RFC3: variants seen among roughly 807,000 people sequenced by gnomAD.
The protein encoded by RFC3 is replication factor C subunit 3, also known as A1 38 kDa subunit.
RFC3 carries 41 observed loss-of-function variants against 45.1 expected under a neutral mutation model. The observed-to-expected ratio is 0.91, with a 90% CI of 0.71 to 1.18. The LOEUF is 1.18. Ranked by LOEUF, RFC3 falls within the 50% of genes most tolerant of loss-of-function variation. The probability of loss-of-function intolerance (pLI) is 0.00; values close to 1 mark genes in which losing one functional copy is unlikely to be tolerated. For missense variants in RFC3, 423 were observed against 428.1 expected (o/e 0.99, Z 0.10); for synonymous variants, 149 against 144.0 (o/e 1.03, Z -0.25).
At chr13:33,935,481 C>T (rs947111958) in intron 8 of RFC3, among the ~76,000 whole-genome samples, 1 of 152,108 alleles carries the variant, frequency 6.6e-6, no homozygotes, top group Admixed American at 6.5e-5. Flanking sequence ...AAGTGTTGGG[C>T]ACAATTGAAG....
chr13:33,965,342 C>T (rs2083081002), intron 8 of RFC3, among the ~76,000 whole-genome samples: 1 of 152,068 alleles, frequency 6.6e-6, no homozygotes, highest in African/African-American at 2.4e-5. Flanking sequence ...TTTTATTGCA[C>T]CTTTTTATGT....
At chr13:33,842,123 TAAACA>T (rs2082203608), downstream of RFC3, among the ~76,000 whole-genome samples, 1 of 151,912 alleles carries the variant, frequency 6.6e-6, no homozygotes, top group African/African-American at 2.4e-5. Flanking sequence ...CTACAAATGA[TAAACA>T]AAATAGAAAA....
chr13:33,920,223 G>A (rs559634838), intron 8 of RFC3, among the ~76,000 whole-genome samples: 50 of 152,194 alleles, frequency 3.3e-4, no homozygotes, highest in Non-Finnish European at 5.4e-4. Flanking sequence ...GCCTGACCTG[G>A]AAAGAGAATC....
At chr13:33,865,034 A>G (rs939093643) in intron 8 of RFC3, among the ~76,000 whole-genome samples, 10 of 152,316 alleles carry the variant, frequency 6.6e-5, no homozygotes, top group African/African-American at 1.9e-4. Flanking sequence ...AACAAAATTC[A>G]TTTTGGAATA....
chr13:33,842,879 T>C (rs78007087), intron 8 of RFC3, among the ~76,000 whole-genome samples: 2,457 of 152,300 alleles, frequency 0.016, 56 homozygotes, highest in African/African-American at 0.056. Context: ...ATGCCATTCT[T>C]TAAAAATCTA....
chr13:33,949,276 T>A (rs1418882793), intron 8 of RFC3, among the ~76,000 whole-genome samples: 4 of 152,186 alleles, frequency 2.6e-5, no homozygotes, highest in Admixed American at 2.6e-4. Context: ...TGTGAAGAAG[T>A]GCCTTTTGCC....
intron 8 of RFC3, among the ~76,000 whole-genome samples, chr13:33,904,980 A>T (rs2082663422): frequency 1.3e-5 from 2 of 152,156 alleles, no homozygotes; most frequent in African/African-American, 4.8e-5. Flanking sequence ...GATAAATACA[A>T]AATTGAAGGC....
chr13:33,870,879 G>C (rs2082403020), intron 8 of RFC3, among the ~76,000 whole-genome samples: 1 of 152,138 alleles, frequency 6.6e-6, no homozygotes, highest in African/African-American at 2.4e-5. Context: ...CTTTATCATT[G>C]CTTGAGGTAT....
At chr13:33,931,938 A>G (rs1181223704) in intron 8 of RFC3, among the ~76,000 whole-genome samples, 1 of 152,076 alleles carries the variant, frequency 6.6e-6, no homozygotes, top group Non-Finnish European at 1.5e-5. Context: ...CTTTTTGAAT[A>G]TACATTTGTT....
chr13:33,902,243 C>T (rs889703199), intron 8 of RFC3, among the ~76,000 whole-genome samples: 1 of 152,074 alleles, frequency 6.6e-6, no homozygotes, highest in Non-Finnish European at 1.5e-5. Flanking sequence ...AACGCTGACC[C>T]TATCTGAAGC....
intron 8 of RFC3, among the ~76,000 whole-genome samples, chr13:33,866,302 A>C (rs995142918): frequency 1.3e-5 from 2 of 152,238 alleles, no homozygotes; most frequent in African/African-American, 4.8e-5. Flanking sequence ...CAATGGTCTC[A>C]TAAACTCAAT....
the RFC3 span, among the ~76,000 whole-genome samples, chr13:33,973,202 C>T: frequency 6.6e-6 from 1 of 151,978 alleles, no homozygotes; most frequent in African/African-American, 2.4e-5. Flanking sequence ...GGTTAAACTG[C>T]AAGTTCTATA....
intron 8 of RFC3, chr13:33,846,719 G>A (rs1324300784): frequency 8.3e-6 from 1 of 119,768 alleles, no homozygotes; most frequent in Non-Finnish European, 1.9e-5. Context: ...TGCTATTCAA[G>A]TTTATTTAGG....
chr13:33,941,167 G>T (rs996570811), intron 8 of RFC3, among the ~76,000 whole-genome samples: 3 of 152,162 alleles, frequency 2.0e-5, no homozygotes, highest in African/African-American at 7.2e-5. Context: ...AGCAGGGGTA[G>T]TAACCTGGGA....
chr13:33,843,318 G>A (rs2082213814), intron 8 of RFC3, among the ~76,000 whole-genome samples: 2 of 151,696 alleles, frequency 1.3e-5, no homozygotes, highest in South Asian at 4.2e-4. Context: ...TTTCCTCTCT[G>A]CAGCTTTGCA....
intron 8 of RFC3, among the ~76,000 whole-genome samples, chr13:33,854,220 T>A (rs1292741727): frequency 6.6e-6 from 1 of 152,148 alleles, no homozygotes; most frequent in Non-Finnish European, 1.5e-5. Flanking sequence ...GTTGATTTCT[T>A]CTCTCTTACT....
rs774626588 is a variant in RFC3, at chr13:33,818,158, C to G, written c.-21C>G. 4.4e-6 allele frequency: 7 copies of G among 1,602,638 alleles called. No homozygotes were observed. The highest frequency in any genetic ancestry group is 1.7e-5 in the Admixed American group (1 of 59,264). On this transcript the variant is annotated 5_prime_UTR_variant, in exon 1 of 9. Coordinates refer to ENST00000380071, the MANE Select transcript of RFC3 (RefSeq NM_002915.4). The stretch of plus-strand genomic sequence containing the variant: ...CTCGCGCGGGATTTTCAAGCGTAGG[C>G]CCCCGGGAACTCGAGCTGCCATGAG...
downstream of RFC3, among the ~76,000 whole-genome samples, chr13:33,970,388 A>G (rs766452055): frequency 1.1e-4 from 17 of 152,350 alleles, no homozygotes; most frequent in African/African-American, 2.6e-4. Context: ...TAATGCTGCA[A>G]TGAACATAAA....
downstream of RFC3, among the ~76,000 whole-genome samples, chr13:33,842,207 G>C (rs550671479): frequency 6.6e-6 from 1 of 151,876 alleles, no homozygotes; most frequent in African/African-American, 2.4e-5. Context: ...AGGATTACTT[G>C]AATCTAGGAA....
Sources: gnomAD v4.1 joint callset for allele counts (sites outside exome capture counted in the v4.1 genomes callset) on GRCh38, gnomAD v4.1.1 for gene constraint, MANE v1.5 for transcripts, NCBI Gene and HGNC (gene_info 2026-07-23, HGNC 2026-07-21) for gene names.